Variants in PPM1H observed in about 807,000 individuals in gnomAD.
The protein encoded by PPM1H is protein phosphatase 1H.
In PPM1H, 27 loss-of-function variants were observed where a neutral mutation model predicts 54.9. The observed-to-expected ratio is 0.49, with a 90% CI of 0.36 to 0.68. PPM1H has a LOEUF of 0.68. Among genes scored for constraint, PPM1H ranks in the 30% least tolerant of loss-of-function variants. PPM1H has a pLI of 0.00. For missense variants in PPM1H, 596 were observed against 667.8 expected, an observed-to-expected ratio of 0.89 and a Z score of 1.19; for synonymous variants, 305 against 270.8, an observed-to-expected ratio of 1.13 and a Z score of -1.24.
chr12:62,691,202 G>A (rs532410174), intron 7 of PPM1H, among the ~76,000 whole-genome samples: 10 of 152,298 alleles, frequency 6.6e-5, no homozygotes, highest in African/African-American at 2.2e-4. Flanking sequence ...GAGGGATGGA[G>A]TGAAAGTCAT....
At chr12:62,747,528 A>G (rs2076419962) in intron 4 of PPM1H, among the ~76,000 whole-genome samples, 1 of 152,222 alleles carries the variant, frequency 6.6e-6, no homozygotes, top group South Asian at 2.1e-4. Flanking sequence ...ATGAATCACC[A>G]TGCCCAGTGT....
At chr12:62,723,180 G>A (rs79843233) in intron 5 of PPM1H, among the ~76,000 whole-genome samples, 1,877 of 152,176 alleles carry the variant, frequency 0.012, 32 homozygotes, top group East Asian at 0.086. Flanking sequence ...CACTGCCACC[G>A]TCCAGCATCA....
chr12:62,783,798 G>C (rs1177311772), intron 4 of PPM1H, among the ~76,000 whole-genome samples: 3 of 152,194 alleles, frequency 2.0e-5, no homozygotes, highest in African/African-American at 7.2e-5. Flanking sequence ...TTAAAACTCT[G>C]AGTGACTTCA....
chr12:62,814,220 T>C (rs1227622957), intron 2 of PPM1H, among the ~76,000 whole-genome samples: 3 of 152,100 alleles, frequency 2.0e-5, no homozygotes, highest in Non-Finnish European at 2.9e-5. Flanking sequence ...GATGGGACCA[T>C]GAGTGCACCA....
chr12:62,828,869 T>A (rs1208015466), intron 2 of PPM1H, among the ~76,000 whole-genome samples: 1 of 151,596 alleles, frequency 6.6e-6, no homozygotes, highest in Non-Finnish European at 1.5e-5. Context: ...CACTAATCAT[T>A]AGGGAAATGC....
At chr12:62,649,582 G>A (rs1197848285) in intron 9 of PPM1H, among the ~76,000 whole-genome samples, 1 of 152,186 alleles carries the variant, frequency 6.6e-6, no homozygotes, top group Non-Finnish European at 1.5e-5. Flanking sequence ...TCCACTGGCA[G>A]GGTCATATTT....
intron 4 of PPM1H, among the ~76,000 whole-genome samples, chr12:62,758,393 G>T (rs2076487898): frequency 6.6e-6 from 1 of 152,200 alleles, no homozygotes; most frequent in African/African-American, 2.4e-5. Context: ...GGAGGTCCCT[G>T]CCTGTGTGGG....
In PPM1H at chr12:62,648,358, C is replaced by T. The variant is rs1193560203; in HGVS notation, c.*131G>A. ...TCATCTTGAAGCATAGTCTTTTGGC[C>T]ATGAACTCCCCGCTTGGGCTGGGAA... On this transcript the variant is annotated 3_prime_UTR_variant, in exon 10 of 10. Transcript: ENST00000228705. 2 of 1,187,720 alleles carry T rather than the reference C, an allele frequency of 1.7e-6. No individual in the cohort carries two copies. The highest frequency in any genetic ancestry group is 3.0e-5 in the African/African-American group (2 of 65,842). 73.6% of individuals were successfully genotyped at this position (1,187,720 alleles called of 1,614,324 possible). A position where few individuals can be genotyped will look rare whatever the true frequency, so the allele number is the denominator to read the frequency against.
intron 5 of PPM1H, among the ~76,000 whole-genome samples, chr12:62,728,000 T>TA (rs35099953): frequency 2.7e-5 from 4 of 150,324 alleles, no homozygotes; most frequent in African/African-American, 4.9e-5. Context: ...ACCCTCCGAT[T>TA]AAAAAAAAAG....
At chr12:62,907,382 T>C (rs535258456) in intron 1 of PPM1H, among the ~76,000 whole-genome samples, 3 of 152,240 alleles carry the variant, frequency 2.0e-5, no homozygotes, top group Non-Finnish European at 2.9e-5. Context: ...AATGAGCAAA[T>C]TGCACAAGGA....
chr12:62,668,523 A>G (rs1565750553), intron 8 of PPM1H, among the ~76,000 whole-genome samples: 1 of 152,102 alleles, frequency 6.6e-6, no homozygotes, highest in Non-Finnish European at 1.5e-5. Context: ...TTACAGGTGC[A>G]TGCCACTACA....
At chr12:62,781,063 G>A (rs2076639202) in intron 4 of PPM1H, among the ~76,000 whole-genome samples, 6 of 152,148 alleles carry the variant, frequency 3.9e-5, no homozygotes, top group Admixed American at 3.9e-4. Context: ...ACTTTCCCAG[G>A]GGCCCAACAA....
chr12:62,652,309 G>T (rs2075820991), intron 9 of PPM1H, among the ~76,000 whole-genome samples: 1 of 152,130 alleles, frequency 6.6e-6, no homozygotes, highest in African/African-American at 2.4e-5. Flanking sequence ...AAGTCTTGGG[G>T]TCAAGTGATC....
At chr12:62,652,512 A>T (rs1404010563) in intron 9 of PPM1H, among the ~76,000 whole-genome samples, 2 of 152,246 alleles carry the variant, frequency 1.3e-5, no homozygotes, top group East Asian at 1.9e-4. Context: ...TTGCAGTCAT[A>T]TATACACACA....
intron 4 of PPM1H, among the ~76,000 whole-genome samples, chr12:62,758,709 A>G (rs1167646598): frequency 6.6e-6 from 1 of 152,234 alleles, no homozygotes; most frequent in African/African-American, 2.4e-5. Context: ...GGTGTCACCT[A>G]GACAGGAACT....
intron 9 of PPM1H, among the ~76,000 whole-genome samples, chr12:62,654,879 A>G (rs2075835863): frequency 1.3e-5 from 2 of 152,156 alleles, no homozygotes; most frequent in African/African-American, 4.8e-5. Flanking sequence ...CGCCTGAGGG[A>G]GAAGTTTAGG....
At chr12:62,854,619 G>C (rs1047237902) in intron 1 of PPM1H, among the ~76,000 whole-genome samples, 1 of 152,050 alleles carries the variant, frequency 6.6e-6, no homozygotes, top group African/African-American at 2.4e-5. Flanking sequence ...GCATACTGTA[G>C]GGCCTCAAAA....
At chr12:62,804,672 TTTTC>T (rs1328413331) in intron 2 of PPM1H, among the ~76,000 whole-genome samples, 4 of 142,334 alleles carry the variant, frequency 2.8e-5, no homozygotes, top group East Asian at 4.0e-4. Flanking sequence ...ATTTCTTTTT[TTTTC>T]TTTTTTTTTT....
rs1868884331 is a variant in PPM1H at position 62,844,532 on chromosome 12, T to C, written c.246-12253A>G. On this transcript the variant is annotated intron_variant, in intron 1 of 9. Transcript: ENST00000228705. This position sits in a 1 kb window ranked among gnomAD's most constrained non-coding sequence, Gnocchi z 5.2. ...CCAACAGCTTTAAGTTTGGATTATT[T>C]AATTTCACACTTTGAAGGAGACAAA... 6.6e-6 allele frequency among the ~76,000 whole-genome samples: 1 copy of C among 152,232 alleles called. No homozygotes were observed. The highest frequency in any genetic ancestry group is 6.5e-5 in the Admixed American group (1 of 15,282).
Sources: gnomAD v4.1 joint callset for allele counts (sites outside exome capture counted in the v4.1 genomes callset) on GRCh38, gnomAD v4.1.1 for gene constraint, Gnocchi (gnomAD v3.1) non-coding constraint, MANE v1.5 for transcripts, NCBI Gene and HGNC (gene_info 2026-07-23, HGNC 2026-07-21) for gene names.